PCDHA3: variants seen among roughly 807,000 people sequenced by gnomAD.
PCDHA3 encodes the protein protocadherin alpha-3.
In PCDHA3, 41 loss-of-function variants were observed where a neutral mutation model predicts 62.2. The observed-to-expected ratio is 0.66, with a 90% confidence interval of 0.51 to 0.86. The LOEUF is 0.86. PCDHA3 is among the 40% of genes least tolerant of loss of function. The pLI, the probability that PCDHA3 is intolerant of heterozygous loss-of-function variation, is 0.00. For synonymous variants in PCDHA3, 640 were observed against 555.4 expected (o/e 1.15, Z -2.14); for missense variants, 1,304 against 1,241.2 (o/e 1.05, Z -0.76).
At chr5:140,842,956 G>A in intron 1 of PCDHA3, 1 of 1,594,910 alleles carries the variant, frequency 6.3e-7, no homozygotes, top group Non-Finnish European at 8.6e-7. Flanking sequence ...TGCCGCCTCT[G>A]GGCAGCAACG....
chr5:140,869,332 G>T (rs1554162910), intron 1 of PCDHA3: 1 of 1,613,960 alleles, frequency 6.2e-7, no homozygotes, highest in South Asian at 1.1e-5. Context: ...CCTTCTGGAG[G>T]TAAATCTGCA....
At chr5:140,987,268 C>T (rs190952772) in intron 3 of PCDHA3, among the ~76,000 whole-genome samples, 177 of 151,894 alleles carry the variant, frequency 1.2e-3, no homozygotes, top group African/African-American at 4.1e-3. Flanking sequence ...GAATGGGACC[C>T]GGCAGTCTAT....
chr5:140,913,450 T>G (rs2153526628), intron 1 of PCDHA3, among the ~76,000 whole-genome samples: 1 of 152,270 alleles, frequency 6.6e-6, no homozygotes, highest in Middle Eastern at 3.4e-3. Flanking sequence ...TCAGCTCCGA[T>G]TTTATTTACT....
At position 141,009,998 on chromosome 5, in the gene PCDHA3, T is replaced by C. The variant is rs1046818514; in HGVS notation, c.*61T>C. 6 of 1,575,876 alleles carry C rather than the reference T, an allele frequency of 3.8e-6. No individual in the cohort carries two copies. The African/African-American group carries it at 5.5e-5, about 14-fold the overall frequency. ...TTGTAATAATGGCAAATCTCTCCCA[T>C]GTAGCAATTCCCTGCTCCTTTTTCC... is the stretch of plus-strand genomic sequence containing the variant. On this transcript the variant is annotated 3_prime_UTR_variant, in exon 4 of 4. Transcript: ENST00000522353.
chr5:140,810,815 T>C (rs1554125577), intron 1 of PCDHA3: 1 of 152,174 alleles, frequency 6.6e-6, no homozygotes, highest in East Asian at 1.9e-4. Context: ...TTCTTTTTTG[T>C]CTTTTGGTGA....
intron 1 of PCDHA3, among the ~76,000 whole-genome samples, chr5:140,953,024 G>A (rs2094834462): frequency 6.6e-6 from 1 of 152,026 alleles, no homozygotes; most frequent in South Asian, 2.1e-4. Context: ...AACATTAAGG[G>A]GGAAATCCAC....
At chr5:140,902,367 T>C (rs2153476761) in intron 1 of PCDHA3, among the ~76,000 whole-genome samples, 1 of 152,142 alleles carries the variant, frequency 6.6e-6, no homozygotes, top group Middle Eastern at 3.4e-3. Flanking sequence ...TTCTCTTGTC[T>C]AATTGCTCTA....
intron 1 of PCDHA3, chr5:140,850,847 G>A: frequency 6.3e-7 from 1 of 1,596,668 alleles, no homozygotes; most frequent in South Asian, 1.1e-5. Context: ...GATCTACAGA[G>A]CGAACGGGAG....
At chr5:140,899,702 G>A (rs2067498720) in intron 1 of PCDHA3, among the ~76,000 whole-genome samples, 1 of 152,228 alleles carries the variant, frequency 6.6e-6, no homozygotes, top group African/African-American at 2.4e-5. Flanking sequence ...CATAAAATGA[G>A]TTAGGGAGGA....
chr5:140,853,133 C>T (rs1646376725), intron 1 of PCDHA3: 1 of 642,274 alleles, frequency 1.6e-6, no homozygotes, highest in Non-Finnish European at 2.0e-6. Flanking sequence ...CCCGCCTCAG[C>T]CTCCCAAAAT....
intron 1 of PCDHA3, among the ~76,000 whole-genome samples, chr5:140,924,973 GCTCATGT>G (rs1447379119): frequency 2.0e-5 from 3 of 151,826 alleles, no homozygotes; most frequent in African/African-American, 7.2e-5. Flanking sequence ...GAGTGCAGTG[GCTCATGT>G]CTGTAATCCT....
At chr5:140,827,748 C>A (rs1290868920) in intron 1 of PCDHA3, among the ~76,000 whole-genome samples, 1 of 152,166 alleles carries the variant, frequency 6.6e-6, no homozygotes, top group Non-Finnish European at 1.5e-5. Context: ...AATTAGATCC[C>A]TTACTTTAAA....
At chr5:140,929,034 C>A in intron 1 of PCDHA3, 4 of 1,614,158 alleles carry the variant, frequency 2.5e-6, no homozygotes, top group Non-Finnish European at 3.4e-6. Flanking sequence ...CAGGCTGTTG[C>A]GCTCAGAGCT....
At chr5:140,970,948 C>T (rs1339410112) in intron 1 of PCDHA3, among the ~76,000 whole-genome samples, 1 of 152,114 alleles carries the variant, frequency 6.6e-6, no homozygotes, top group Non-Finnish European at 1.5e-5. Context: ...TGCTGAGAAA[C>T]CATGGGAGGC....
chr5:140,804,634 C>T (rs1380367242), intron 1 of PCDHA3: 3 of 153,708 alleles, frequency 2.0e-5, no homozygotes, highest in African/African-American at 7.2e-5. Flanking sequence ...CTCTGAATAG[C>T]ATCCTGCCTA....
intron 1 of PCDHA3, chr5:140,851,685 G>T: frequency 1.1e-6 from 1 of 926,488 alleles, no homozygotes; most frequent in Non-Finnish European, 1.3e-6. Context: ...TCTCCATTCA[G>T]TGATAAAATG....
chr5:140,920,640 T>C (rs1554199754), intron 1 of PCDHA3, among the ~76,000 whole-genome samples: 1 of 152,038 alleles, frequency 6.6e-6, no homozygotes, highest in African/African-American at 2.4e-5. Context: ...GGTCAAGAGA[T>C]TGAGACCATC....
chr5:140,914,772 C>T lies in PCDHA3; in HGVS notation c.2395-64177C>T, dbSNP rs143748722. On this transcript the variant is annotated intron_variant, in intron 1 of 3. Transcript: ENST00000522353. ...ATTTGAGGTTACATGAGGTTTATGA[C>T]TTATCTTATGACCCATTATTTTAAA... Among the ~76,000 whole-genome samples, 1,217 of 151,940 alleles carry T rather than the reference C, an allele frequency of 8.0e-3. 6 individuals are homozygous for T. The highest frequency in any genetic ancestry group is 0.019 in the African/African-American group (786 of 41,464).
chr5:140,934,004 T>G (rs556218652), intron 1 of PCDHA3, among the ~76,000 whole-genome samples: 1 of 152,204 alleles, frequency 6.6e-6, no homozygotes, highest in Non-Finnish European at 1.5e-5. Flanking sequence ...CCTCTCATTT[T>G]TCTTGACTAG....
Sources: gnomAD v4.1 joint callset for allele counts (sites outside exome capture counted in the v4.1 genomes callset) on GRCh38, gnomAD v4.1.1 for gene constraint, MANE v1.5 for transcripts, NCBI Gene and HGNC (gene_info 2026-07-23, HGNC 2026-07-21) for gene names.